The following FBXL20 variants were observed in gnomAD, a reference collection of about 807,000 sequenced individuals.
FBXL20 encodes the protein F-box/LRR-repeat protein 20.
In FBXL20, 11 loss-of-function variants were observed where a neutral mutation model predicts 64.0. That is an observed-to-expected ratio of 0.17 (90% CI 0.11 to 0.28). The LOEUF (loss-of-function observed/expected upper bound fraction) is 0.28, where lower values mean the gene tolerates loss of function less well. FBXL20 is among the 10% of genes least tolerant of loss of function. The pLI is 1.00. For synonymous variants in FBXL20, 184 were observed against 189.0 expected (o/e 0.97, Z 0.22); for missense variants, 303 against 526.2 (o/e 0.58, Z 4.15).
chr17:39,384,787 G>A (rs912175511), intron 1 of FBXL20, among the ~76,000 whole-genome samples: 5 of 151,596 alleles, frequency 3.3e-5, no homozygotes, highest in South Asian at 2.1e-4. Context: ...GTGAAACCCC[G>A]TCTCTACTAA....
At chr17:39,337,831 C>T (rs1459725868) in intron 2 of FBXL20, among the ~76,000 whole-genome samples, 1 of 149,934 alleles carries the variant, frequency 6.7e-6, no homozygotes. Flanking sequence ...GGGGGGTCAG[C>T]CCCCGCCAGG....
Position 39,401,598 on chromosome 17 carries a change from G to T in FBXL20, c.-196C>A. ...CTCCCGCGGCGCCGGCGGCCGCAAC[G>T]ACTGCTCGTCGCTAGCTCGGCTCTC... On this transcript the variant is annotated 5_prime_UTR_variant, in exon 1 of 15. Transcript: ENST00000264658. 7.1e-7 allele frequency: 1 copy of T among 1,405,304 alleles called. No homozygotes were observed. Among genetic ancestry groups the T allele is most frequent in the Non-Finnish European group, 9.2e-7 (1 of 1,088,770 alleles). The allele number at this position is 1,405,304 out of a possible 1,614,324, so 87.1% of individuals were successfully genotyped here.
chr17:39,316,816 C>T (rs1480793729), intron 2 of FBXL20, among the ~76,000 whole-genome samples: 2 of 152,168 alleles, frequency 1.3e-5, no homozygotes, highest in South Asian at 2.1e-4. Flanking sequence ...GGCGAAAGCC[C>T]GTCTCTACTG....
At chr17:39,345,384 T>TG (rs1390939510) in intron 1 of FBXL20, among the ~76,000 whole-genome samples, 6 of 151,796 alleles carry the variant, frequency 4.0e-5, no homozygotes, top group Middle Eastern at 3.2e-3. Context: ...AAAAATTAGC[T>TG]GGGAAAAAAA....
intron 2 of FBXL20, among the ~76,000 whole-genome samples, chr17:39,316,241 GAT>G (rs1326218071): frequency 1.3e-5 from 2 of 151,982 alleles, no homozygotes; most frequent in Non-Finnish European, 2.9e-5. Context: ...AATATATACA[GAT>G]ATAAACATAC....
chr17:39,302,068 C>T (rs1210460844), intron 3 of FBXL20, among the ~76,000 whole-genome samples: 1 of 151,818 alleles, frequency 6.6e-6, no homozygotes, highest in East Asian at 1.9e-4. Context: ...GCAAGTCTTT[C>T]TTCTATGCTT....
In FBXL20 at chr17:39,291,151, C is replaced by T. The variant is rs184650946; in HGVS notation, c.399-5578G>A. On this transcript the variant is annotated intron_variant, in intron 6 of 14. Transcript: ENST00000264658. ...TAACTTTTTGTATTTTTAGTAGAGA[C>T]GGGGTTTCACCATGTTAGCCAGGAT... Among the ~76,000 whole-genome samples, 8 of 151,736 alleles carry T rather than the reference C, an allele frequency of 5.3e-5. No individual in the cohort carries two copies. The East Asian group carries it at 1.2e-3, about 22-fold the overall frequency.
At chr17:39,366,558 A>G (rs2047861790) in intron 1 of FBXL20, among the ~76,000 whole-genome samples, 1 of 152,194 alleles carries the variant, frequency 6.6e-6, no homozygotes, top group Non-Finnish European at 1.5e-5. Context: ...AATTTATGAA[A>G]AAACAGCTCA....
intron 14 of FBXL20, among the ~76,000 whole-genome samples, 180 bp from the exon 15 acceptor site, chr17:39,261,747 G>A (rs572985527): frequency 6.6e-6 from 1 of 151,990 alleles, no homozygotes; most frequent in Non-Finnish European, 1.5e-5. Flanking sequence ...TGTTCTCAAT[G>A]ACCAGAACAA....
At chr17:39,286,575 G>C (rs1191975242) in intron 6 of FBXL20, among the ~76,000 whole-genome samples, 7 of 152,066 alleles carry the variant, frequency 4.6e-5, no homozygotes, top group African/African-American at 1.7e-4. Context: ...GAGGTGGGTG[G>C]ATCACCTGAG....
intron 1 of FBXL20, among the ~76,000 whole-genome samples, chr17:39,350,334 A>G (rs1015269823): frequency 4.6e-5 from 7 of 152,054 alleles, no homozygotes; most frequent in Non-Finnish European, 7.4e-5. Flanking sequence ...TACTAAAAAT[A>G]CAAAATTAGC....
intron 1 of FBXL20, among the ~76,000 whole-genome samples, chr17:39,399,666 G>T (rs945008104): frequency 6.6e-6 from 1 of 152,018 alleles, no homozygotes; most frequent in Non-Finnish European, 1.5e-5. Flanking sequence ...GAAAGATTTC[G>T]TTGCCAGCTA....
chr17:39,400,872 C>T (rs182108188), intron 1 of FBXL20, among the ~76,000 whole-genome samples: 12 of 152,334 alleles, frequency 7.9e-5, no homozygotes, highest in African/African-American at 2.9e-4. Flanking sequence ...CCGTGGTAGC[C>T]TCTATCATCC....
chr17:39,369,747 C>T (rs914105680), intron 1 of FBXL20, among the ~76,000 whole-genome samples: 5 of 152,176 alleles, frequency 3.3e-5, no homozygotes, highest in Admixed American at 3.3e-4. Context: ...GCAATCCTCG[C>T]ACCTCAGCCT....
At position 39,253,941 on chromosome 17, in the gene FBXL20, A is replaced by T. The variant is rs183239516; in HGVS notation, c.*7519T>A. 1 of 152,402 alleles carries T rather than the reference A, an allele frequency of 6.6e-6. No individual in the cohort carries two copies. Among genetic ancestry groups the T allele is most frequent in the East Asian group, 1.9e-4 (1 of 5,266 alleles). 9.4% of individuals were successfully genotyped at this position (152,402 alleles called of 1,614,324 possible). On this transcript the variant is annotated 3_prime_UTR_variant, in exon 15 of 15. Transcript: ENST00000264658. ...TGCCATAAAAAAGGAAAAGAAAAAA[A>T]AAGAGTAGAATAATGACTTCAAGGC...
At chr17:39,307,936 A>C (rs1256750208) in intron 2 of FBXL20, among the ~76,000 whole-genome samples, 1 of 150,094 alleles carries the variant, frequency 6.7e-6, no homozygotes, top group East Asian at 2.0e-4. Flanking sequence ...GCTCCACTGC[A>C]CTCCAACCTG....
intron 1 of FBXL20, among the ~76,000 whole-genome samples, chr17:39,388,856 C>A (rs1374823488): frequency 6.7e-6 from 1 of 149,936 alleles, no homozygotes. Context: ...AATCCCAGCA[C>A]TTTGGGAGGC....
At chr17:39,357,684 A>G (rs1292562916) in intron 1 of FBXL20, among the ~76,000 whole-genome samples, 1 of 152,176 alleles carries the variant, frequency 6.6e-6, no homozygotes, top group Admixed American at 6.6e-5. Context: ...TGTTGCGACT[A>G]CAGGTGAGTC....
intron 9 of FBXL20, 113 bp from the exon 10 acceptor site, chr17:39,275,213 T>A (rs2046879068): frequency 2.7e-6 from 3 of 1,108,330 alleles, no homozygotes; most frequent in Admixed American, 5.8e-5. Flanking sequence ...AAGACATGCT[T>A]AACACATTCA....
Sources: allele counts gnomAD v4.1 joint callset (sites outside exome capture counted in the v4.1 genomes callset), GRCh38; gene constraint gnomAD v4.1.1; transcripts MANE v1.5; gene names NCBI Gene and HGNC (gene_info 2026-07-23, HGNC 2026-07-21).